Variants in KIAA1217 observed in about 807,000 individuals in gnomAD.
The protein encoded by KIAA1217 is sickle tail protein homolog.
KIAA1217 carries 88 observed loss-of-function variants against 163.9 expected under a neutral mutation model. The observed-to-expected ratio is 0.54, with a 90% CI of 0.45 to 0.64. The LOEUF is 0.64. Among genes scored for constraint, KIAA1217 ranks in the 30% least tolerant of loss-of-function variants. The pLI is 0.00. For synonymous variants in KIAA1217, 903 were observed against 923.1 expected (o/e 0.98, Z 0.39); for missense variants, 2,372 against 2,475.0 (o/e 0.96, Z 0.88).
At chr10:23,880,044 C>T (rs1442970872) in intron 1 of KIAA1217, among the ~76,000 whole-genome samples, 1 of 151,716 alleles carries the variant, frequency 6.6e-6, no homozygotes, top group Non-Finnish European at 1.5e-5. Context: ...TCTGTTTTCT[C>T]AGGGAAATAA....
intron 2 of KIAA1217, among the ~76,000 whole-genome samples, chr10:24,066,995 A>G (rs1268885529): frequency 6.6e-6 from 1 of 152,194 alleles, no homozygotes; most frequent in Non-Finnish European, 1.5e-5. Context: ...CAGCTCCATC[A>G]GGTCCTTTAA....
At chr10:23,972,559 G>A (rs1456160154) in intron 1 of KIAA1217, among the ~76,000 whole-genome samples, 2 of 151,132 alleles carry the variant, frequency 1.3e-5, no homozygotes, top group Non-Finnish European at 2.9e-5. Context: ...AATAAATATA[G>A]ATATATGTAA....
At chr10:24,260,607 A>AG (rs2075629038) in intron 2 of KIAA1217, among the ~76,000 whole-genome samples, 1 of 139,860 alleles carries the variant, frequency 7.2e-6, no homozygotes, top group Non-Finnish European at 1.6e-5. Context: ...AAAAAAAAAA[A>AG]GCCAAGTATG....
intron 1 of KIAA1217, among the ~76,000 whole-genome samples, chr10:23,745,413 C>T (rs1337476253): frequency 6.6e-6 from 1 of 152,120 alleles, no homozygotes; most frequent in Non-Finnish European, 1.5e-5. Flanking sequence ...GTTTGTCTGG[C>T]TTGTGTTCCT....
At chr10:24,452,864 T>A (rs912492930) in intron 5 of KIAA1217, among the ~76,000 whole-genome samples, 3 of 152,166 alleles carry the variant, frequency 2.0e-5, no homozygotes, top group Non-Finnish European at 4.4e-5. Context: ...ATGCGATTAT[T>A]ACACATTGCA....
intron 2 of KIAA1217, among the ~76,000 whole-genome samples, chr10:24,260,245 C>A (rs2075588886): frequency 6.6e-6 from 1 of 151,834 alleles, no homozygotes; most frequent in Admixed American, 6.6e-5. Context: ...GGAAGGGGAC[C>A]CGGGAATGAG....
chr10:24,475,616 A>C (rs891297244), intron 6 of KIAA1217, among the ~76,000 whole-genome samples: 2 of 152,244 alleles, frequency 1.3e-5, no homozygotes, highest in Non-Finnish European at 2.9e-5. Flanking sequence ...CTAAGAAAAA[A>C]TAAGGATTGG....
intron 3 of KIAA1217, among the ~76,000 whole-genome samples, chr10:24,428,860 T>TAA (rs199778608): frequency 2.9e-3 from 328 of 114,638 alleles, no homozygotes; most frequent in African/African-American, 9.8e-3. Flanking sequence ...TCTTTAAAGA[T>TAA]AAAAAAAAAA....
intron 1 of KIAA1217, among the ~76,000 whole-genome samples, chr10:23,799,682 A>T (rs1836378725): frequency 6.6e-6 from 1 of 152,150 alleles, no homozygotes; most frequent in Non-Finnish European, 1.5e-5. Flanking sequence ...TATAATTTGT[A>T]TTGGACCTAC....
At chr10:23,871,966 T>G (rs775599851) in intron 1 of KIAA1217, among the ~76,000 whole-genome samples, 1 of 152,062 alleles carries the variant, frequency 6.6e-6, no homozygotes, top group Non-Finnish European at 1.5e-5. Context: ...ACTTGCAAAT[T>G]CCTTTCTTCC....
chr10:23,855,053 C>T (rs1274966117), intron 1 of KIAA1217, among the ~76,000 whole-genome samples: 1 of 152,120 alleles, frequency 6.6e-6, no homozygotes, highest in Non-Finnish European at 1.5e-5. Context: ...TTGATCCTGT[C>T]ATTATGATGT....
At chr10:24,132,797 G>T (rs762295933) in intron 2 of KIAA1217, among the ~76,000 whole-genome samples, 5 of 152,158 alleles carry the variant, frequency 3.3e-5, no homozygotes, top group Non-Finnish European at 7.3e-5. Flanking sequence ...AAAAGACACC[G>T]GATGAGGCTG....
chr10:24,543,473 T>C lies in KIAA1217; in HGVS notation c.4203T>C (p.His1401=). Residue 1401 remains histidine (H), a synonymous_variant, in exon 19 of 21, where the codon CAT becomes CAC. Coordinates refer to ENST00000376454, the MANE Select transcript of KIAA1217 (RefSeq NM_019590.5). ...TVQVLSSGEV[H]DIVSQKGEDI... ...AGGTTCTTTCCAGTGGGGAGGTGCA[T>C]GATATTGTTAGCCAAAAGGGAGAAG... 1.9e-6 allele frequency: 3 copies of C among 1,614,008 alleles called. No homozygotes were observed. Among genetic ancestry groups the C allele is most frequent in the Non-Finnish European group, 1.7e-6 (2 of 1,180,002 alleles).
At chr10:23,971,457 T>C (rs951252282) in intron 1 of KIAA1217, among the ~76,000 whole-genome samples, 1 of 152,174 alleles carries the variant, frequency 6.6e-6, no homozygotes, top group Non-Finnish European at 1.5e-5. Context: ...ACCTACCTGA[T>C]TGGTTGGGGG....
At chr10:23,768,712 A>G (rs1456445040) in intron 1 of KIAA1217, among the ~76,000 whole-genome samples, 1 of 152,186 alleles carries the variant, frequency 6.6e-6, no homozygotes, top group Non-Finnish European at 1.5e-5. Context: ...GGGGTTGAGA[A>G]AATACCTGGA....
intron 8 of KIAA1217, among the ~76,000 whole-genome samples, chr10:24,498,139 C>T (rs145207285): frequency 5.9e-5 from 9 of 152,046 alleles, no homozygotes; most frequent in Non-Finnish European, 1.0e-4. Flanking sequence ...GACGAGGGTG[C>T]GGGAGACCTT....
intron 1 of KIAA1217, among the ~76,000 whole-genome samples, chr10:24,213,718 C>T (rs1045253897): frequency 2.6e-5 from 4 of 152,168 alleles, no homozygotes; most frequent in Non-Finnish European, 4.4e-5. Flanking sequence ...CAGTGCTTGA[C>T]ACAGAATGCT....
intron 5 of KIAA1217, among the ~76,000 whole-genome samples, chr10:24,440,433 T>C (rs2060397926): frequency 6.6e-6 from 1 of 152,226 alleles, no homozygotes; most frequent in Non-Finnish European, 1.5e-5. Flanking sequence ...TCCTATCACA[T>C]AGAGCCATTT....
At chr10:24,199,277 G>C (rs531437019) in intron 2 of KIAA1217, among the ~76,000 whole-genome samples, 8 of 152,244 alleles carry the variant, frequency 5.3e-5, no homozygotes, top group African/African-American at 1.9e-4. Flanking sequence ...CATTTTAATA[G>C]TTATATATTT....
Sources: allele counts gnomAD v4.1 joint callset (sites outside exome capture counted in the v4.1 genomes callset), GRCh38; gene constraint gnomAD v4.1.1; transcripts MANE v1.5; gene names NCBI Gene and HGNC (gene_info 2026-07-23, HGNC 2026-07-21).